The following PEAK1 variants were observed in gnomAD, a reference collection of about 807,000 sequenced individuals.
PEAK1 encodes the protein inactive tyrosine-protein kinase PEAK1.
In PEAK1, 54 loss-of-function variants were observed where a neutral mutation model predicts 124.7. That is an observed-to-expected ratio of 0.43 (90% CI 0.35 to 0.54). The LOEUF (loss-of-function observed/expected upper bound fraction) is 0.54, where lower values mean the gene tolerates loss of function less well. Ranked by LOEUF, PEAK1 falls within the 20% of genes least tolerant of loss-of-function variation. The pLI, the probability that PEAK1 is intolerant of heterozygous loss-of-function variation, is 0.01. For synonymous variants in PEAK1, 719 were observed against 760.0 expected, an observed-to-expected ratio of 0.95 and a Z score of 0.89; for missense variants, 2,046 against 2,134.5, an observed-to-expected ratio of 0.96 and a Z score of 0.82.
chr15:77,188,785 T>C (rs1222284390), intron 6 of PEAK1, among the ~76,000 whole-genome samples: 1 of 152,158 alleles, frequency 6.6e-6, no homozygotes, highest in East Asian at 1.9e-4. Flanking sequence ...TCTAAGTGTT[T>C]TTCCTCTCTA....
At chr15:77,223,965 T>C (rs774345324) in intron 6 of PEAK1, among the ~76,000 whole-genome samples, 1 of 149,398 alleles carries the variant, frequency 6.7e-6, no homozygotes, top group Non-Finnish European at 1.5e-5. Flanking sequence ...GGAACAACAA[T>C]GAAGACTGCT....
chr15:77,303,716 T>C (rs1445136001), intron 2 of PEAK1, among the ~76,000 whole-genome samples: 1 of 152,194 alleles, frequency 6.6e-6, no homozygotes, highest in African/African-American at 2.4e-5. Flanking sequence ...TTTAATAGAG[T>C]ATTTCACAGA....
chr15:77,387,560 G>A (rs1168672552), intron 1 of PEAK1, among the ~76,000 whole-genome samples: 5 of 151,996 alleles, frequency 3.3e-5, no homozygotes, highest in Non-Finnish European at 5.9e-5. Flanking sequence ...GCAGAACTGA[G>A]AATTACATCT....
intron 9 of PEAK1, among the ~76,000 whole-genome samples, chr15:77,121,128 A>C (rs574009926): frequency 6.6e-6 from 1 of 152,132 alleles, no homozygotes; most frequent in South Asian, 2.1e-4. Flanking sequence ...CAGGTTTGCT[A>C]CCTGGGTATA....
At chr15:77,366,133 G>C (rs2068221229) in intron 1 of PEAK1, among the ~76,000 whole-genome samples, 1 of 152,142 alleles carries the variant, frequency 6.6e-6, no homozygotes, top group Non-Finnish European at 1.5e-5. Flanking sequence ...CTCCTTACCA[G>C]ACTCATGGTA....
At chr15:77,286,718 A>G (rs972462725) in intron 2 of PEAK1, among the ~76,000 whole-genome samples, 2 of 152,224 alleles carry the variant, frequency 1.3e-5, no homozygotes, top group African/African-American at 4.8e-5. Context: ...AAAAGTAAAC[A>G]TATATTATAG....
chr15:77,348,900 G>A lies in PEAK1; in HGVS notation c.-603+16263C>T, dbSNP rs983035312. 2.8e-5 allele frequency: 26 copies of A among 945,178 alleles called. No individual in the cohort carries two copies. The East Asian group carries it at 8.2e-4, about 30-fold the overall frequency. The allele number at this position is 945,178 out of a possible 1,614,324, so 58.5% of individuals were successfully genotyped here. On this transcript the variant is annotated intron_variant, in intron 2 of 9. Transcript: ENST00000682557. ...CAAGCAATCCTCTTGCCTTGGCCTC[G>A]CAAAGTGCTGGGATTATAGGCATGA...
At chr15:77,208,929 CAT>C (rs1348430105) in intron 6 of PEAK1, among the ~76,000 whole-genome samples, 1 of 152,164 alleles carries the variant, frequency 6.6e-6, no homozygotes, top group Non-Finnish European at 1.5e-5. Context: ...AGCAATAAAA[CAT>C]AGATGTTATC....
chr15:77,224,885 T>C (rs1318288624), intron 6 of PEAK1, among the ~76,000 whole-genome samples: 1 of 152,024 alleles, frequency 6.6e-6, no homozygotes, highest in East Asian at 1.9e-4. Context: ...TGCCCATCTC[T>C]TTCCATTTCC....
chr15:77,266,776 C>T (rs1334766573), intron 5 of PEAK1, among the ~76,000 whole-genome samples: 9 of 152,168 alleles, frequency 5.9e-5, no homozygotes, highest in Admixed American at 5.9e-4. Flanking sequence ...ACATCACGAA[C>T]TTCTGCTCCA....
intron 9 of PEAK1, among the ~76,000 whole-genome samples, chr15:77,124,168 T>C (rs938368414): frequency 6.6e-6 from 1 of 152,242 alleles, no homozygotes; most frequent in South Asian, 2.1e-4. Flanking sequence ...CTCTGCAACC[T>C]TGGACTCTCT....
chr15:77,411,178 C>T (rs1484681060), intron 1 of PEAK1, among the ~76,000 whole-genome samples: 5 of 151,086 alleles, frequency 3.3e-5, no homozygotes, highest in Non-Finnish European at 2.9e-5. Flanking sequence ...GGCAAATTCA[C>T]GGCAGATGGT....
At chr15:77,406,319 T>G (rs1374145703) in intron 1 of PEAK1, among the ~76,000 whole-genome samples, 1 of 152,134 alleles carries the variant, frequency 6.6e-6, no homozygotes, top group Non-Finnish European at 1.5e-5. Flanking sequence ...GCATCCAAAT[T>G]GGTAAAGAGG....
rs570604075 is a variant in PEAK1 at position 77,152,625 on chromosome 15, T to C, written c.3331+5878A>G. On this transcript the variant is annotated intron_variant, in intron 8 of 9. Transcript: ENST00000682557. ...ATTCAGTATGATATTGGCTGTGGGT[T>C]TGTCATAGATAGCTCTTATTATTTT... Among the ~76,000 whole-genome samples, 31 of 152,302 alleles carry C rather than the reference T, an allele frequency of 2.0e-4. No individual in the cohort carries two copies. In the East Asian group the frequency reaches 2.9e-3, roughly 14 times the overall value.
chr15:77,315,962 T>C lies in PEAK1; in HGVS notation c.-602-29458A>G, dbSNP rs79176186. Among the ~76,000 whole-genome samples the C allele has an allele frequency of 4.3e-3, 654 of 152,254 alleles. 1 individual carries two copies. Among genetic ancestry groups the C allele is most frequent in the African/African-American group, 0.013 (558 of 41,554 alleles). On this transcript the variant is annotated intron_variant, in intron 2 of 9. Transcript: ENST00000682557. ...TGAATTTTAGCTAATAATATCAATA[T>C]TGGTTTATTTATTGTAACAAATGCA...
intron 6 of PEAK1, among the ~76,000 whole-genome samples, chr15:77,246,133 C>T (rs969210902): frequency 3.3e-5 from 5 of 151,598 alleles, no homozygotes; most frequent in Non-Finnish European, 5.9e-5. Context: ...CTCAGCCTCT[C>T]GAGTAGCTGG....
chr15:77,404,404 G>T, intron 1 of PEAK1: 1 of 867,958 alleles, frequency 1.2e-6, no homozygotes, highest in Non-Finnish European at 1.4e-6. Context: ...TGTGCTTTAA[G>T]TGGAAAATAT....
intron 2 of PEAK1, among the ~76,000 whole-genome samples, chr15:77,364,778 A>C (rs1003188811): frequency 6.6e-6 from 1 of 152,222 alleles, no homozygotes; most frequent in Non-Finnish European, 1.5e-5. Context: ...AGTGGTAGAA[A>C]GCTCTTAATA....
intron 1 of PEAK1, among the ~76,000 whole-genome samples, chr15:77,398,924 AAACC>A (rs774780794): frequency 6.6e-6 from 1 of 152,230 alleles, no homozygotes. Context: ...GTAGGATACA[AAACC>A]AACATACAAA....
Sources: allele counts gnomAD v4.1 joint callset (sites outside exome capture counted in the v4.1 genomes callset), GRCh38; gene constraint gnomAD v4.1.1; transcripts MANE v1.5; gene names NCBI Gene and HGNC (gene_info 2026-07-23, HGNC 2026-07-21).